The following WDR25 variants were observed in gnomAD, a reference collection of about 807,000 sequenced individuals.
WDR25 encodes WD repeat-containing protein 25.
Under a neutral mutation model 47.7 loss-of-function variants are expected in WDR25, and 35 were observed. The ratio of observed to expected loss-of-function variants is 0.73; its 90% CI spans 0.56 to 0.97. The LOEUF (loss-of-function observed/expected upper bound fraction) is 0.97. Ranked by LOEUF, WDR25 falls within the 50% of genes least tolerant of loss-of-function variation. The pLI is 0.00. For synonymous variants in WDR25, 248 were observed against 278.9 expected (o/e 0.89, Z 1.10); for missense variants, 634 against 704.7 (o/e 0.90, Z 1.14).
intron 2 of WDR25, among the ~76,000 whole-genome samples, chr14:100,444,211 C>T (rs574351193): frequency 6.6e-5 from 10 of 152,296 alleles, no homozygotes; most frequent in South Asian, 2.1e-4. Context: ...CATTTGAACC[C>T]GTGAAAATGG....
chr14:100,430,560 T>C lies in WDR25; in HGVS notation c.823-37461T>C, dbSNP rs1898301187. 6.6e-6 allele frequency among the ~76,000 whole-genome samples: 1 copy of C among 152,158 alleles called. No individual in the cohort carries two copies. The highest frequency in any genetic ancestry group is 1.5e-5 in the Non-Finnish European group (1 of 68,020). ...ATTTAATTAAAATAACGGCTAGTCTTGATGTGCAAAATGGCTTCATGTACT... is the reference window on the plus strand; with the variant it reads ...ATTTAATTAAAATAACGGCTAGTCTCGATGTGCAAAATGGCTTCATGTACT... On this transcript the variant is annotated intron_variant, in intron 2 of 6. Coordinates refer to ENST00000402312, the MANE Select transcript of WDR25 (RefSeq NM_001161476.3). This position sits in a 1 kb window ranked among gnomAD's most constrained non-coding sequence, Gnocchi z 4.7.
intron 2 of WDR25, among the ~76,000 whole-genome samples, chr14:100,394,006 C>T (rs893141306): frequency 2.6e-5 from 4 of 152,228 alleles, no homozygotes. Context: ...AAATAATTAT[C>T]TCACAGGGCT....
chr14:100,519,788 T>C (rs939158687), intron 4 of WDR25, among the ~76,000 whole-genome samples: 1 of 140,950 alleles, frequency 7.1e-6, no homozygotes, highest in Non-Finnish European at 1.5e-5. Flanking sequence ...GTATATATAC[T>C]ATACTATATG....
intron 2 of WDR25, among the ~76,000 whole-genome samples, chr14:100,465,743 A>G (rs1899608187): frequency 6.6e-6 from 1 of 152,222 alleles, no homozygotes; most frequent in South Asian, 2.1e-4. Context: ...TGGCTGGATC[A>G]TGTCATAATT....
intron 2 of WDR25, among the ~76,000 whole-genome samples, chr14:100,452,893 A>T (rs796203983): frequency 2.6e-5 from 4 of 152,220 alleles, no homozygotes; most frequent in African/African-American, 9.6e-5. Context: ...AGATACATTC[A>T]TAGTGTTGTG....
At chr14:100,442,949 A>G (rs989906862) in intron 2 of WDR25, among the ~76,000 whole-genome samples, 4 of 152,232 alleles carry the variant, frequency 2.6e-5, no homozygotes, top group Non-Finnish European at 4.4e-5. Flanking sequence ...AAAACAGCTC[A>G]GTAAGTTATT....
In WDR25 at chr14:100,392,055, T is replaced by C. The variant is rs1897157783; in HGVS notation, c.822+10309T>C. 6.6e-6 allele frequency among the ~76,000 whole-genome samples: 1 copy of C among 152,220 alleles called. No individual in the cohort carries two copies. Among genetic ancestry groups the C allele is most frequent in the African/African-American group, 2.4e-5 (1 of 41,456 alleles). ...TTCTTGGTCTTGGAAAATAGAGTTATTTTTATAAGAATGTGCTATTTCTGT... is the reference window on the plus strand; with the variant it reads ...TTCTTGGTCTTGGAAAATAGAGTTACTTTTATAAGAATGTGCTATTTCTGT... On this transcript the variant is annotated intron_variant, in intron 2 of 6. Transcript: ENST00000402312. This position sits in a 1 kb window ranked among gnomAD's most constrained non-coding sequence, Gnocchi z 4.2.
chr14:100,468,310 G>A lies in WDR25; in HGVS notation c.970+142G>A. The A allele has an allele frequency of 7.8e-7, 1 of 1,280,564 alleles. No homozygotes were observed. The highest frequency in any genetic ancestry group is 1.5e-5 in the South Asian group (1 of 67,686). The allele number at this position is 1,280,564 out of a possible 1,614,324, so 79.3% of individuals were successfully genotyped here. A position where few individuals can be genotyped will look rare whatever the true frequency, so the allele number is the denominator to read the frequency against. ...CTCAGGGTGGGCTCGTGCTCGGTGAGAGGGCTTCCAGACTGCTTGCCCATT... is the reference window on the plus strand; with the variant it reads ...CTCAGGGTGGGCTCGTGCTCGGTGAAAGGGCTTCCAGACTGCTTGCCCATT... On this transcript the variant is annotated intron_variant, in intron 3 of 6. Transcript: ENST00000402312. The surrounding 1 kb of genome is among the most constrained non-coding windows in gnomAD (Gnocchi z 4.5).
At chr14:100,417,482 T>C (rs747508563) in intron 2 of WDR25, among the ~76,000 whole-genome samples, 7 of 152,210 alleles carry the variant, frequency 4.6e-5, no homozygotes, top group Non-Finnish European at 7.3e-5. Flanking sequence ...CCCACCATCC[T>C]GTTAAGACCC....
chr14:100,432,160 A>AG (rs1898359335), intron 2 of WDR25, among the ~76,000 whole-genome samples: 1 of 152,252 alleles, frequency 6.6e-6, no homozygotes. Flanking sequence ...AGGAGCACTA[A>AG]GGAGAATTCA....
intron 4 of WDR25, among the ~76,000 whole-genome samples, chr14:100,490,791 T>G (rs1488136611): frequency 6.6e-6 from 1 of 152,264 alleles, no homozygotes; most frequent in Non-Finnish European, 1.5e-5. Context: ...TGGCTCAAAG[T>G]GCCATCAGTT....
At chr14:100,480,037 G>T (rs1455037956) in intron 3 of WDR25, among the ~76,000 whole-genome samples, 3 of 152,190 alleles carry the variant, frequency 2.0e-5, no homozygotes, top group Non-Finnish European at 4.4e-5. Flanking sequence ...TGCCAAAAAG[G>T]TCGGGGACTG....
intron 2 of WDR25, among the ~76,000 whole-genome samples, chr14:100,401,582 C>G (rs1257477581): frequency 6.6e-6 from 1 of 152,202 alleles, no homozygotes; most frequent in African/African-American, 2.4e-5. Flanking sequence ...CTCCCCAGTG[C>G]TTTGTACCAG....
chr14:100,467,988 G>A, intron 2 of WDR25, 33 bp from the exon 3 acceptor site: 2 of 1,610,738 alleles, frequency 1.2e-6, no homozygotes, highest in Non-Finnish European at 1.7e-6. Flanking sequence ...GGCCCTTGTT[G>A]TGACACCTGG....
At chr14:100,493,589 CAG>C (rs558009003) in intron 4 of WDR25, among the ~76,000 whole-genome samples, 3 of 152,322 alleles carry the variant, frequency 2.0e-5, no homozygotes, top group South Asian at 4.1e-4. Flanking sequence ...CATTCTGCAT[CAG>C]AGTGGCCCAT....
intron 2 of WDR25, among the ~76,000 whole-genome samples, chr14:100,413,875 G>A (rs1360218611): frequency 1.3e-5 from 2 of 152,152 alleles, no homozygotes; most frequent in African/African-American, 4.8e-5. Context: ...TCCACGTTCA[G>A]CCATTTATCC....
intron 2 of WDR25, among the ~76,000 whole-genome samples, chr14:100,443,596 T>A (rs1402751921): frequency 6.6e-6 from 1 of 152,190 alleles, no homozygotes; most frequent in African/African-American, 2.4e-5. Flanking sequence ...ATGTCTCCTC[T>A]CTCTCCTTTT....
intron 3 of WDR25, among the ~76,000 whole-genome samples, chr14:100,480,542 A>G (rs1473454048): frequency 6.6e-6 from 1 of 152,178 alleles, no homozygotes; most frequent in Non-Finnish European, 1.5e-5. Flanking sequence ...AAGAGTAACT[A>G]CTTTCTAAAA....
In WDR25 at chr14:100,506,881, A is replaced by G. The variant is rs142559821; in HGVS notation, c.1102-18989A>G. Among the ~76,000 whole-genome samples the G allele has an allele frequency of 6.6e-6, 1 of 152,022 alleles. No homozygotes were observed. On this transcript the variant is annotated intron_variant, in intron 4 of 6. Transcript: ENST00000402312. The surrounding 1 kb of genome is among the most constrained non-coding windows in gnomAD (Gnocchi z 4.8). ...TGTAGGTTGTCTGTTTACTCTCTGGATAGTTTATTTTGCTGTGCAGAAGCT... is the reference window on the plus strand; with the variant it reads ...TGTAGGTTGTCTGTTTACTCTCTGGGTAGTTTATTTTGCTGTGCAGAAGCT...
Sources: allele counts gnomAD v4.1 joint callset (sites outside exome capture counted in the v4.1 genomes callset), GRCh38; gene constraint gnomAD v4.1.1; non-coding constraint Gnocchi (gnomAD v3.1); transcripts MANE v1.5; gene names NCBI Gene and HGNC (gene_info 2026-07-23, HGNC 2026-07-21).